Variants in CNTN3 observed in about 807,000 individuals in gnomAD.
The protein encoded by CNTN3 is contactin 3, also known as contactin-3.
In CNTN3, 60 loss-of-function variants were observed where a neutral mutation model predicts 119.1. That is an observed-to-expected ratio of 0.50 (90% CI 0.41 to 0.62). The LOEUF is 0.62. Among genes scored for constraint, CNTN3 ranks in the 20% least tolerant of loss-of-function variants. The probability of loss-of-function intolerance (pLI) is 0.00; values close to 1 mark genes in which losing one functional copy is unlikely to be tolerated. For synonymous variants in CNTN3, 450 were observed against 438.7 expected, an observed-to-expected ratio of 1.03 and a Z score of -0.32; for missense variants, 1,101 against 1,242.4, an observed-to-expected ratio of 0.89 and a Z score of 1.71.
intron 20 of CNTN3, among the ~76,000 whole-genome samples, chr3:74,281,525 C>T (rs1412503152): frequency 6.6e-6 from 1 of 151,964 alleles, no homozygotes. Context: ...TTCTCTGTCT[C>T]AGCATAGTGA....
intron 5 of CNTN3, among the ~76,000 whole-genome samples, chr3:74,377,591 C>T (rs1303977088): frequency 3.9e-5 from 6 of 152,210 alleles, no homozygotes; most frequent in Non-Finnish European, 8.8e-5. Flanking sequence ...CCTTTCACAA[C>T]CTCCTGTGTA....
At chr3:74,507,421 G>GGA (rs1553674917) in intron 2 of CNTN3, among the ~76,000 whole-genome samples, 4 of 139,160 alleles carry the variant, frequency 2.9e-5, no homozygotes, top group African/African-American at 1.1e-4. Context: ...CCATCTCTAA[G>GGA]AAAAAAAAAA....
intron 2 of CNTN3, 39 bp downstream of exon 2, chr3:74,521,019 T>C: frequency 1.5e-6 from 2 of 1,371,640 alleles, no homozygotes; most frequent in East Asian, 2.4e-5. Flanking sequence ...TCGAGTATAC[T>C]TCTAACCTCA....
chr3:74,347,994 A>G (rs1315159054), intron 11 of CNTN3, among the ~76,000 whole-genome samples: 1 of 151,858 alleles, frequency 6.6e-6, no homozygotes, highest in Non-Finnish European at 1.5e-5. Flanking sequence ...TTACAGTTGG[A>G]AAAAAAAAGT....
At chr3:74,428,997 G>C (rs1170258832) in intron 4 of CNTN3, among the ~76,000 whole-genome samples, 1 of 152,062 alleles carries the variant, frequency 6.6e-6, no homozygotes, top group African/African-American at 2.4e-5. Context: ...ATACAGCCTA[G>C]GTGTGTAGTA....
At chr3:74,477,524 AT>A (rs893560001) in intron 4 of CNTN3, among the ~76,000 whole-genome samples, 1 of 152,146 alleles carries the variant, frequency 6.6e-6, no homozygotes, top group African/African-American at 2.4e-5. Context: ...TATTTGTGGG[AT>A]CTAAAAATAA....
Position 74,297,970 on chromosome 3 carries a change from G to A in CNTN3, c.2388C>T (p.Phe796=). 1.2e-6 allele frequency: 2 copies of A among 1,612,330 alleles called. No individual in the cohort carries two copies. Among genetic ancestry groups the A allele is most frequent in the East Asian group, 4.5e-5 (2 of 44,870 alleles). ...TGTTTTCCATACCTTCTTCTGCAGA[G>A]AACACTGTTGTCACTGGGCTAAATG... ...EGPFSPVTTV[F]SAEEEPTVAP... The change falls in exon 18 of 23, where the codon TTC becomes TTT. Residue 796 remains phenylalanine, a synonymous_variant. Coordinates refer to ENST00000263665, the MANE Select transcript of CNTN3 (RefSeq NM_020872.3).
intron 13 of CNTN3, among the ~76,000 whole-genome samples, chr3:74,305,218 A>C (rs905906305): frequency 6.6e-6 from 1 of 152,324 alleles, no homozygotes; most frequent in East Asian, 1.9e-4. Context: ...CACATGGCAT[A>C]TGCCATGTGT....
intron 1 of CNTN3, among the ~76,000 whole-genome samples, chr3:74,585,476 T>C (rs949702654): frequency 1.3e-5 from 2 of 152,312 alleles, no homozygotes; most frequent in Non-Finnish European, 1.5e-5. Flanking sequence ...AGATTTCTTA[T>C]TTTGAATTCA....
At chr3:74,386,251 T>C (rs1046738120) in intron 5 of CNTN3, among the ~76,000 whole-genome samples, 2 of 152,216 alleles carry the variant, frequency 1.3e-5, no homozygotes, top group Non-Finnish European at 2.9e-5. Flanking sequence ...TTAAGATCTC[T>C]TCTAATCCTT....
intron 1 of CNTN3, among the ~76,000 whole-genome samples, chr3:74,558,484 T>C (rs560031324): frequency 3.3e-4 from 50 of 152,186 alleles, no homozygotes; most frequent in Non-Finnish European, 5.6e-4. Context: ...TGCAGAGCCT[T>C]CTTGCTGAAT....
chr3:74,392,181 G>T (rs1251896411), intron 5 of CNTN3, among the ~76,000 whole-genome samples: 1 of 152,160 alleles, frequency 6.6e-6, no homozygotes, highest in Non-Finnish European at 1.5e-5. Flanking sequence ...TTCCAAGAAT[G>T]TGAAGTATTT....
intron 18 of CNTN3, among the ~76,000 whole-genome samples, chr3:74,296,687 G>A (rs1219590100): frequency 2.0e-5 from 3 of 152,142 alleles, no homozygotes; most frequent in Non-Finnish European, 4.4e-5. Flanking sequence ...AAGGCCCTTG[G>A]TTAAAATACT....
At chr3:74,461,944 A>G (rs1355325501) in intron 4 of CNTN3, among the ~76,000 whole-genome samples, 1 of 152,074 alleles carries the variant, frequency 6.6e-6, no homozygotes, top group East Asian at 1.9e-4. Context: ...GTCCCCACCC[A>G]AATCTCATGT....
chr3:74,501,676 A>G (rs1703168903), intron 2 of CNTN3, among the ~76,000 whole-genome samples: 1 of 152,024 alleles, frequency 6.6e-6, no homozygotes, highest in Non-Finnish European at 1.5e-5. Context: ...CGACATCACC[A>G]CACAATTAGC....
intron 2 of CNTN3, among the ~76,000 whole-genome samples, chr3:74,507,599 GTTTC>G (rs1703286018): frequency 7.6e-6 from 1 of 131,482 alleles, no homozygotes; most frequent in African/African-American, 2.8e-5. Context: ...CTCCCTCCCT[GTTTC>G]TTTTTCTTTT....
intron 1 of CNTN3, among the ~76,000 whole-genome samples, chr3:74,585,001 A>T (rs1704571525): frequency 6.6e-6 from 1 of 152,198 alleles, no homozygotes; most frequent in Non-Finnish European, 1.5e-5. Flanking sequence ...TCCAAAGTCC[A>T]GAAAGAAGAA....
intron 1 of CNTN3, among the ~76,000 whole-genome samples, chr3:74,600,039 G>T (rs945626567): frequency 6.6e-6 from 1 of 152,038 alleles, no homozygotes; most frequent in African/African-American, 2.4e-5. Flanking sequence ...GTTGATGACA[G>T]TTTTTTATTT....
chr3:74,310,794 G>A (rs748676474), intron 13 of CNTN3, among the ~76,000 whole-genome samples: 5 of 152,188 alleles, frequency 3.3e-5, no homozygotes, highest in Non-Finnish European at 5.9e-5. Flanking sequence ...GCTGCAGTAA[G>A]AGCATGTTGG....
Sources: gnomAD v4.1 joint callset for allele counts (sites outside exome capture counted in the v4.1 genomes callset) on GRCh38, gnomAD v4.1.1 for gene constraint, MANE v1.5 for transcripts, NCBI Gene and HGNC (gene_info 2026-07-23, HGNC 2026-07-21) for gene names.